PLA2G5: variants seen among roughly 807,000 people sequenced by gnomAD.
PLA2G5 encodes phospholipase A2 group V, also known as Ca2+-dependent phospholipase A2.
In PLA2G5, 12 loss-of-function variants were observed where a neutral mutation model predicts 15.9. The observed-to-expected ratio is 0.76, with a 90% confidence interval of 0.48 to 1.23. The LOEUF is 1.23. Among genes scored for constraint, PLA2G5 ranks in the 50% most tolerant of loss-of-function variants. The probability of loss-of-function intolerance (pLI) is 0.00; values close to 1 mark genes in which losing one functional copy is unlikely to be tolerated. For missense variants in PLA2G5, 169 were observed against 177.1 expected (o/e 0.95, Z 0.26); for synonymous variants, 71 against 71.4 (o/e 0.99, Z 0.03).
In PLA2G5 at chr1:20,089,803, A is replaced by C; in HGVS notation, c.200A>C (p.His67Pro). Residue 67 changes from histidine (H) to proline (P), a missense_variant, in exon 4 of 5, where the codon CAT becomes CCT. By Grantham distance (77) the His-to-Pro change is moderately conservative. Transcript: ENST00000375108. The stretch of plus-strand genomic sequence containing the variant: ...TGCACGGACAGGTGCTGTTGGGCGC[A>C]TGACCACTGCTATGGGCGGCTGGAG... The part of the protein sequence containing the change: ...KDGTDWCCWA[H>P]DHCYGRLEEK... 2 of 1,614,086 alleles carry C rather than the reference A, an allele frequency of 1.2e-6. No homozygotes were observed. The highest frequency in any genetic ancestry group is 8.5e-7 in the Non-Finnish European group (1 of 1,179,934).
At chr1:20,042,188 G>A (rs2013636567) in intron 1 of PLA2G5, among the ~76,000 whole-genome samples, 1 of 152,166 alleles carries the variant, frequency 6.6e-6, no homozygotes, top group South Asian at 2.1e-4. Context: ...AGTGGATGGG[G>A]ACAGAATGGT....
At chr1:20,032,353 GTT>G (rs71010528) in intron 1 of PLA2G5, among the ~76,000 whole-genome samples, 2 of 144,992 alleles carry the variant, frequency 1.4e-5, no homozygotes, top group South Asian at 2.2e-4. Flanking sequence ...TGTGTGTGTG[GTT>G]TTTTTTTTTT....
intron 1 of PLA2G5, among the ~76,000 whole-genome samples, chr1:20,080,002 A>C (rs1406680633): frequency 6.6e-6 from 1 of 152,178 alleles, no homozygotes; most frequent in African/African-American, 2.4e-5. Flanking sequence ...GGGGGTTGGC[A>C]AGTTAGGAAC....
chr1:20,036,385 T>C (rs1465675415), intron 1 of PLA2G5, among the ~76,000 whole-genome samples: 1 of 152,138 alleles, frequency 6.6e-6, no homozygotes, highest in Non-Finnish European at 1.5e-5. Context: ...CATTCTTAGG[T>C]TTGGTCATTT....
intron 1 of PLA2G5, among the ~76,000 whole-genome samples, chr1:20,040,821 T>C (rs569173019): frequency 4.6e-5 from 7 of 152,346 alleles, no homozygotes; most frequent in Non-Finnish European, 1.0e-4. Context: ...AATGTGTATC[T>C]GATTGCATCC....
chr1:20,084,525 C>T (rs1315571964), intron 1 of PLA2G5, among the ~76,000 whole-genome samples: 4 of 152,166 alleles, frequency 2.6e-5, no homozygotes, highest in Non-Finnish European at 5.9e-5. Flanking sequence ...TTCTCTGGTC[C>T]CTTTTAGCCA....
At chr1:20,061,569 GAGTA>G (rs995857050) in intron 2 of PLA2G5, among the ~76,000 whole-genome samples, 8 of 123,388 alleles carry the variant, frequency 6.5e-5, no homozygotes, top group Admixed American at 2.9e-4. Flanking sequence ...CTGGGCAACA[GAGTA>G]AGACCCTGTC....
intron 4 of PLA2G5, among the ~76,000 whole-genome samples, chr1:20,090,170 A>G (rs2016498478): frequency 6.6e-6 from 1 of 152,170 alleles, no homozygotes; most frequent in South Asian, 2.1e-4. Flanking sequence ...AGACATCAAG[A>G]AATGGAAGCT....
intron 1 of PLA2G5, among the ~76,000 whole-genome samples, chr1:20,029,683 C>T (rs191861929): frequency 6.6e-6 from 1 of 152,322 alleles, no homozygotes; most frequent in African/African-American, 2.4e-5. Flanking sequence ...AAAGGGACCA[C>T]ACTCTTCCCT....
intron 1 of PLA2G5, chr1:20,059,584 G>A (rs951335436): frequency 1.3e-5 from 2 of 152,182 alleles, no homozygotes; most frequent in African/African-American, 4.8e-5. Context: ...TAACTGTGGA[G>A]GTTATCTATG....
intron 1 of PLA2G5, among the ~76,000 whole-genome samples, chr1:20,077,524 G>C (rs990112885): frequency 3.3e-5 from 5 of 152,116 alleles, no homozygotes; most frequent in African/African-American, 1.2e-4. Flanking sequence ...AGGCGAAGCA[G>C]ACGCAGAGCC....
chr1:20,031,299 A>G (rs2012920016), intron 1 of PLA2G5, among the ~76,000 whole-genome samples: 1 of 152,202 alleles, frequency 6.6e-6, no homozygotes, highest in African/African-American at 2.4e-5. Flanking sequence ...ACAGTTGGAA[A>G]AAAGAGGGGA....
At chr1:20,087,880 C>T (rs2016372976) in intron 3 of PLA2G5, among the ~76,000 whole-genome samples, 1 of 152,252 alleles carries the variant, frequency 6.6e-6, no homozygotes, top group South Asian at 2.1e-4. Context: ...CCCCAGTGGC[C>T]AACCCTGGAA....
intron 1 of PLA2G5, among the ~76,000 whole-genome samples, chr1:20,058,724 G>A (rs2014559685): frequency 6.6e-6 from 1 of 152,200 alleles, no homozygotes. Context: ...TGCAGCTCCA[G>A]CAGCAGCTTC....
intron 1 of PLA2G5, among the ~76,000 whole-genome samples, chr1:20,038,045 A>G (rs992858241): frequency 6.6e-6 from 1 of 152,132 alleles, no homozygotes; most frequent in African/African-American, 2.4e-5. Flanking sequence ...GCTGGCAGTG[A>G]CAGGCTTCAC....
At chr1:20,086,861 TAGA>T (rs1232677202) in intron 3 of PLA2G5, among the ~76,000 whole-genome samples, 1 of 152,230 alleles carries the variant, frequency 6.6e-6, no homozygotes, top group Non-Finnish European at 1.5e-5. Flanking sequence ...GCTAAAGTTC[TAGA>T]AGAACATGTG....
intron 4 of PLA2G5, 102 bp from the exon 5 acceptor site, chr1:20,090,466 C>A: frequency 8.5e-7 from 1 of 1,170,030 alleles, no homozygotes; most frequent in Non-Finnish European, 1.3e-6. Context: ...ATGCCTCTTC[C>A]ATCAGGCTGA....
intron 1 of PLA2G5, among the ~76,000 whole-genome samples, chr1:20,042,826 G>C (rs957596595): frequency 2.6e-5 from 4 of 152,266 alleles, no homozygotes; most frequent in Middle Eastern, 3.4e-3. Context: ...TGCTGAGATA[G>C]GTAATGGATG....
In PLA2G5 at chr1:20,073,670, G is replaced by T. The variant is rs563637160; in HGVS notation, c.-11+3205G>T. Among the ~76,000 whole-genome samples, 12 of 152,248 alleles carry T rather than the reference G, an allele frequency of 7.9e-5. No homozygotes were observed. In the South Asian group the frequency reaches 2.5e-3, roughly 32 times the overall value. ...GGCAGAGGCAGGCAGATCATTTGAG[G>T]TTGGGAGTTCGAGACCAGCCTGGCC... On this transcript the variant is annotated intron_variant, in intron 1 of 4. Coordinates refer to ENST00000375108, the MANE Select transcript of PLA2G5 (RefSeq NM_000929.3).
Sources: allele counts gnomAD v4.1 joint callset (sites outside exome capture counted in the v4.1 genomes callset), GRCh38; gene constraint gnomAD v4.1.1; transcripts MANE v1.5; gene names NCBI Gene and HGNC (gene_info 2026-07-23, HGNC 2026-07-21).